The following FBXW8 variants were observed in gnomAD, a reference collection of about 807,000 sequenced individuals.
FBXW8 encodes F-box and WD repeat domain containing 8, also known as F-box/WD repeat-containing protein 8.
FBXW8 carries 57 observed loss-of-function variants against 65.3 expected under a neutral mutation model. The ratio of observed to expected loss-of-function variants is 0.87; its 90% CI spans 0.71 to 1.09. The LOEUF (loss-of-function observed/expected upper bound fraction) is 1.09, where lower values mean the gene tolerates loss of function less well. FBXW8 is among the 50% of genes least tolerant of loss of function. The pLI, the probability that FBXW8 is intolerant of heterozygous loss-of-function variation, is 0.00. For synonymous variants in FBXW8, 308 were observed against 330.2 expected (o/e 0.93, Z 0.73); for missense variants, 777 against 814.8 (o/e 0.95, Z 0.57).
chr12:116,952,515 C>A (rs1883351536), intron 4 of FBXW8, among the ~76,000 whole-genome samples: 1 of 152,276 alleles, frequency 6.6e-6, no homozygotes, highest in South Asian at 2.1e-4. Flanking sequence ...CTGTCTCCTC[C>A]CAGAGATTTC....
chr12:116,935,942 C>T (rs553552195), intron 2 of FBXW8, among the ~76,000 whole-genome samples: 2 of 152,272 alleles, frequency 1.3e-5, no homozygotes, highest in East Asian at 3.9e-4. Context: ...TTATATAGAG[C>T]TGACTATGTA....
Position 116,910,990 on chromosome 12 carries a change from G to A in FBXW8, c.-48G>A, listed in dbSNP as rs756700127. The A allele has an allele frequency of 5.2e-6, 7 of 1,344,546 alleles. No individual in the cohort carries two copies. Among genetic ancestry groups the A allele is most frequent in the Non-Finnish European group, 6.7e-6 (7 of 1,052,538 alleles). 83.3% of individuals were successfully genotyped at this position (1,344,546 alleles called of 1,614,324 possible). On this transcript the variant is annotated 5_prime_UTR_variant, in exon 1 of 11. Transcript: ENST00000652555. ...ACTTCCCTGGGCGGGACTGTCTCGTGGCACCCGGTGGAACCGAGGAGAACG... is the reference window on the plus strand; with the variant it reads ...ACTTCCCTGGGCGGGACTGTCTCGTAGCACCCGGTGGAACCGAGGAGAACG...
In FBXW8 at chr12:116,911,283, C is replaced by T; in HGVS notation, c.246C>T (p.Arg82=). 2 of 1,267,204 alleles carry T rather than the reference C, an allele frequency of 1.6e-6. No homozygotes were observed. Among genetic ancestry groups the T allele is most frequent in the Non-Finnish European group, 2.0e-6 (2 of 1,009,296 alleles). The allele number at this position is 1,267,204 out of a possible 1,614,324, so 78.5% of individuals were successfully genotyped here. A position where few individuals can be genotyped will look rare whatever the true frequency, so the allele number is the denominator to read the frequency against. ...CCGAGGGGCAGGACGTAGCGAGCCG[C>T]TCACGTTCTCCTCTGGCCCGCGAGG... ...TRAEGQDVAS[R]SRSPLAREGA... The change falls in exon 1 of 11, where the codon CGC becomes CGT. Residue 82 remains arginine, a synonymous_variant. Coordinates refer to ENST00000652555, the MANE Select transcript of FBXW8 (RefSeq NM_153348.3).
intron 5 of FBXW8, among the ~76,000 whole-genome samples, chr12:116,965,366 C>A (rs1453601662): frequency 6.6e-6 from 1 of 152,136 alleles, no homozygotes; most frequent in Non-Finnish European, 1.5e-5. Flanking sequence ...TGATAGAATT[C>A]TTTTTGTACA....
intron 7 of FBXW8, among the ~76,000 whole-genome samples, chr12:116,990,877 C>T (rs1172671185): frequency 6.6e-6 from 1 of 152,112 alleles, no homozygotes; most frequent in Non-Finnish European, 1.5e-5. Context: ...TGGCTGGGCA[C>T]AGTGGCTCAC....
chr12:116,982,426 A>G (rs1434231000), intron 5 of FBXW8, among the ~76,000 whole-genome samples: 1 of 152,222 alleles, frequency 6.6e-6, no homozygotes, highest in Non-Finnish European at 1.5e-5. Flanking sequence ...CAACTCATCA[A>G]GAGGACATAC....
chr12:116,974,306 A>C (rs1884797681), intron 5 of FBXW8, among the ~76,000 whole-genome samples: 1 of 152,232 alleles, frequency 6.6e-6, no homozygotes, highest in Non-Finnish European at 1.5e-5. Context: ...GAACTACCTG[A>C]AAGGAGAAGG....
In FBXW8 at chr12:116,930,933, G is replaced by A. The variant is rs182012307; in HGVS notation, c.423+2806G>A. On this transcript the variant is annotated intron_variant, in intron 2 of 10. Transcript: ENST00000652555. ...CGTGATTCTCCCACCTCAACCTCCC[G>A]AGTAGCTGGGACTATAGGCTCACGC... 4.6e-5 allele frequency among the ~76,000 whole-genome samples: 7 copies of A among 152,252 alleles called. No homozygotes were observed. In the East Asian group the frequency reaches 7.7e-4, roughly 17 times the overall value.
Position 116,988,833 on chromosome 12 carries a change from T to G in FBXW8, c.1203T>G (p.Gly401=). 1 of 1,614,120 alleles carries G rather than the reference T, an allele frequency of 6.2e-7. No individual in the cohort carries two copies. Among genetic ancestry groups the G allele is most frequent in the Non-Finnish European group, 8.5e-7 (1 of 1,180,022 alleles). The change falls in exon 7 of 11, where the codon GGT becomes GGG. Residue 401 remains glycine, a synonymous_variant. Transcript: ENST00000652555. The part of the protein sequence containing the change: ...LDVSANQVAF[G]VQGLGWVYEG... Reference sequence around the variant, plus strand: ...TCTCGGCCAACCAAGTTGCTTTTGGTGTACAGGGTCTGGGATGGGTGTACG... The same window carrying G: ...TCTCGGCCAACCAAGTTGCTTTTGGGGTACAGGGTCTGGGATGGGTGTACG...
intron 4 of FBXW8, chr12:116,951,213 C>T (rs1592878263): frequency 6.6e-6 from 1 of 152,306 alleles, no homozygotes; most frequent in Non-Finnish European, 1.5e-5. Context: ...TCGAGAGGCT[C>T]CTGGTGGCTC....
At chr12:117,007,794 C>T (rs1035101169) in intron 7 of FBXW8, among the ~76,000 whole-genome samples, 1 of 151,988 alleles carries the variant, frequency 6.6e-6, no homozygotes, top group African/African-American at 2.4e-5. Context: ...AAATGAAGTC[C>T]CATTTGCTCA....
chr12:116,937,100 G>A (rs1412603290), intron 2 of FBXW8, among the ~76,000 whole-genome samples: 1 of 152,046 alleles, frequency 6.6e-6, no homozygotes, highest in Non-Finnish European at 1.5e-5. Flanking sequence ...CTGGATGTGG[G>A]GACAGAAGGA....
intron 5 of FBXW8, among the ~76,000 whole-genome samples, chr12:116,967,125 C>T (rs1319408962): frequency 2.0e-5 from 3 of 151,038 alleles, no homozygotes; most frequent in Admixed American, 1.3e-4. Context: ...GCATTTTACT[C>T]GTGGGGGGTC....
At chr12:116,964,637 C>T (rs1294258487) in intron 4 of FBXW8, 60 bp from the exon 5 acceptor site, 5 of 1,595,894 alleles carry the variant, frequency 3.1e-6, no homozygotes, top group African/African-American at 1.3e-5. Context: ...TGTGCATTTT[C>T]CCCACCATAG....
At chr12:116,921,478 T>C (rs1434411317) in intron 1 of FBXW8, among the ~76,000 whole-genome samples, 1 of 152,220 alleles carries the variant, frequency 6.6e-6, no homozygotes, top group African/African-American at 2.4e-5. Context: ...TTGGAGTACC[T>C]TAGGGGACGA....
chr12:117,016,994 T>G (rs1034689506), intron 8 of FBXW8, among the ~76,000 whole-genome samples: 41 of 152,228 alleles, frequency 2.7e-4, no homozygotes, highest in African/African-American at 9.4e-4. Flanking sequence ...GATCTGTATG[T>G]CTGTGTTCTG....
intron 4 of FBXW8, among the ~76,000 whole-genome samples, chr12:116,954,639 C>G (rs892795515): frequency 6.6e-6 from 1 of 152,178 alleles, no homozygotes; most frequent in Non-Finnish European, 1.5e-5. Context: ...ATTATCGTCT[C>G]CTAGTCTTGC....
intron 3 of FBXW8, among the ~76,000 whole-genome samples, chr12:116,946,448 G>C (rs895996566): frequency 4.6e-5 from 7 of 152,148 alleles, no homozygotes; most frequent in African/African-American, 9.7e-5. Context: ...AATTCGTTTT[G>C]TGCGGGGCTG....
At chr12:116,981,020 C>T (rs989176435) in intron 5 of FBXW8, among the ~76,000 whole-genome samples, 10 of 152,062 alleles carry the variant, frequency 6.6e-5, no homozygotes, top group South Asian at 4.1e-4. Flanking sequence ...TAGAATAGTG[C>T]CTTGGTACAA....
Sources: gnomAD v4.1 joint callset for allele counts (sites outside exome capture counted in the v4.1 genomes callset) on GRCh38, gnomAD v4.1.1 for gene constraint, MANE v1.5 for transcripts, NCBI Gene and HGNC (gene_info 2026-07-23, HGNC 2026-07-21) for gene names.